The following RANBP17 variants were observed in gnomAD, a reference collection of about 807,000 sequenced individuals.
RANBP17 encodes the protein ran-binding protein 17.
RANBP17 carries 158 observed loss-of-function variants against 141.2 expected under a neutral mutation model. The ratio of observed to expected loss-of-function variants is 1.12; its 90% CI spans 0.98 to 1.28. RANBP17 has a LOEUF of 1.28. Among genes scored for constraint, RANBP17 ranks in the 50% most tolerant of loss-of-function variants. The pLI, the probability that RANBP17 is intolerant of heterozygous loss-of-function variation, is 0.00. For synonymous variants in RANBP17, 430 were observed against 450.0 expected (o/e 0.96, Z 0.56); for missense variants, 1,438 against 1,290.7 (o/e 1.11, Z -1.75).
chr5:171,298,909 A>G lies in RANBP17; in HGVS notation c.*51A>G, dbSNP rs1221452771. 7.0e-7 allele frequency: 1 copy of G among 1,425,748 alleles called. No homozygotes were observed. Among genetic ancestry groups the G allele is most frequent in the Non-Finnish European group, 9.9e-7 (1 of 1,010,026 alleles). 88.3% of individuals were successfully genotyped at this position (1,425,748 alleles called of 1,614,324 possible). ...GCAGCCTTTATCAAGAGACTCCTGA[A>G]GGTCTGGGTCTCAGGACAGTGATGT... On this transcript the variant is annotated 3_prime_UTR_variant, in exon 28 of 28. Transcript: ENST00000523189.
At chr5:171,013,196 A>T (rs1247117112) in intron 14 of RANBP17, among the ~76,000 whole-genome samples, 1 of 152,138 alleles carries the variant, frequency 6.6e-6, no homozygotes, top group Non-Finnish European at 1.5e-5. Flanking sequence ...GAACTCAAGG[A>T]TAATCTCAAC....
At chr5:171,254,155 G>A (rs1369471352) in intron 24 of RANBP17, among the ~76,000 whole-genome samples, 3 of 151,640 alleles carry the variant, frequency 2.0e-5, no homozygotes, top group African/African-American at 7.3e-5. Context: ...GCTGAGGCAG[G>A]AGAATCACTG....
intron 3 of RANBP17, among the ~76,000 whole-genome samples, chr5:170,884,217 T>A (rs558992156): frequency 6.6e-6 from 1 of 152,300 alleles, no homozygotes; most frequent in African/African-American, 2.4e-5. Context: ...CCTTTTTATG[T>A]GCTTATTTGA....
intron 14 of RANBP17, among the ~76,000 whole-genome samples, chr5:170,989,418 A>T (rs990025367): frequency 6.6e-6 from 1 of 151,932 alleles, no homozygotes; most frequent in South Asian, 2.1e-4. Flanking sequence ...AAAGAATTTT[A>T]GGTTTCAAGA....
chr5:171,067,486 C>T lies in RANBP17; in HGVS notation c.1710+99109C>T, dbSNP rs573935397. ...TATCAGAGATCTCTATTTCTCTGTA[C>T]GCCTTCGAGTTACAGTATAATGTTT... On this transcript the variant is annotated intron_variant, in intron 14 of 27. Transcript: ENST00000523189. Among the ~76,000 whole-genome samples, 40 of 152,216 alleles carry T rather than the reference C, an allele frequency of 2.6e-4. 1 individual carries two copies. The South Asian group carries it at 5.0e-3, about 19-fold the overall frequency.
At chr5:171,213,053 C>G (rs1763003976) in intron 20 of RANBP17, among the ~76,000 whole-genome samples, 1 of 152,116 alleles carries the variant, frequency 6.6e-6, no homozygotes, top group Non-Finnish European at 1.5e-5. Context: ...AAGCCAACAT[C>G]CCAGATATTC....
intron 14 of RANBP17, among the ~76,000 whole-genome samples, chr5:171,095,484 A>T (rs1216896926): frequency 6.6e-6 from 1 of 152,236 alleles, no homozygotes; most frequent in Non-Finnish European, 1.5e-5. Flanking sequence ...CGGTAAAGAA[A>T]TCAAATAAAA....
At chr5:170,937,309 T>G (rs991975683) in intron 12 of RANBP17, among the ~76,000 whole-genome samples, 2 of 152,222 alleles carry the variant, frequency 1.3e-5, no homozygotes, top group African/African-American at 4.8e-5. Context: ...TGTCTTGTCT[T>G]TCTGTTTAGG....
intron 14 of RANBP17, among the ~76,000 whole-genome samples, chr5:171,102,434 C>T (rs1787236821): frequency 6.6e-6 from 1 of 151,894 alleles, no homozygotes; most frequent in South Asian, 2.1e-4. Context: ...CTGTTTTTTT[C>T]AGCTCCATCA....
chr5:171,130,619 A>G (rs1465717980), intron 14 of RANBP17, among the ~76,000 whole-genome samples: 1 of 151,924 alleles, frequency 6.6e-6, no homozygotes, highest in East Asian at 1.9e-4. Flanking sequence ...TATTTTTAGT[A>G]GAGACGGGGT....
intron 12 of RANBP17, 78 bp downstream of exon 12, chr5:170,924,628 G>T: frequency 1.1e-6 from 1 of 952,100 alleles, no homozygotes; most frequent in Non-Finnish European, 1.5e-6. Flanking sequence ...TAGTTTTACT[G>T]CAAGTTATTT....
At chr5:171,121,143 A>G (rs894267836) in intron 14 of RANBP17, among the ~76,000 whole-genome samples, 1 of 152,220 alleles carries the variant, frequency 6.6e-6, no homozygotes, top group Admixed American at 6.5e-5. Flanking sequence ...GGGTCTGCCA[A>G]CTTGGAGCTG....
In RANBP17 at chr5:171,277,938, C is replaced by CTTTTTTTTTTTTTT. The variant is rs140208253; in HGVS notation, c.2943+12109_2943+12122dup. 1.7e-4 allele frequency among the ~76,000 whole-genome samples: 12 copies of CTTTTTTTTTTTTTT among 72,266 alleles called. 1 individual carries two copies. Among genetic ancestry groups the CTTTTTTTTTTTTTT allele is most frequent in the African/African-American group, 2.3e-4 (4 of 17,566 alleles). 47.4% of individuals were successfully genotyped at this position (72,266 alleles called of 152,430 possible). Reference sequence around the variant, plus strand: ...CAGTCCTTGAGCCTAGGACTTCTTTCTTTTTTTTTTTTTTTTTTTTTTTTT... The same window carrying CTTTTTTTTTTTTTT: ...CAGTCCTTGAGCCTAGGACTTCTTTCTTTTTTTTTTTTTTTTTTTTTTTTTTTTTTTTTTTTTTT... On this transcript the variant is annotated intron_variant, in intron 25 of 27. Transcript: ENST00000523189.
intron 14 of RANBP17, among the ~76,000 whole-genome samples, chr5:171,101,484 A>G (rs969705892): frequency 4.6e-5 from 7 of 152,254 alleles, no homozygotes; most frequent in East Asian, 3.9e-4. Flanking sequence ...TTTTGAGCCT[A>G]TGTGTGTCTT....
At chr5:171,089,282 G>A (rs1378391891) in intron 14 of RANBP17, among the ~76,000 whole-genome samples, 1 of 101,374 alleles carries the variant, frequency 9.9e-6, no homozygotes, top group African/African-American at 3.0e-5. Flanking sequence ...GGGGTCACGG[G>A]TCAGGGACCC....
At chr5:171,000,943 T>C (rs1779161522) in intron 14 of RANBP17, among the ~76,000 whole-genome samples, 1 of 152,192 alleles carries the variant, frequency 6.6e-6, no homozygotes, top group African/African-American at 2.4e-5. Context: ...TGTTTTCACT[T>C]CTTTTGTGGA....
intron 24 of RANBP17, among the ~76,000 whole-genome samples, chr5:171,260,086 G>A (rs1458684978): frequency 6.6e-6 from 1 of 151,796 alleles, no homozygotes; most frequent in Admixed American, 6.6e-5. Context: ...GATCACTTGA[G>A]GTCAGGAGTT....
chr5:170,914,211 C>T lies in RANBP17; in HGVS notation c.805C>T (p.His269Tyr). The T allele has an allele frequency of 6.2e-7, 1 of 1,609,070 alleles. No individual in the cohort carries two copies. The highest frequency in any genetic ancestry group is 8.5e-7 in the Non-Finnish European group (1 of 1,175,966). ...ETLDLFFNLY[H>Y]SLPPLLSQLA... is the part of the protein sequence containing the mutation. ...ATTGGATCTTTTCTTCAATTTGTAT[C>T]ATTCACTTCCACCACTACTATCTCA... The change falls in exon 8 of 28, where the codon CAT becomes TAT. Residue 269 changes from histidine (H) to tyrosine (Y), a missense_variant. By Grantham distance (83) the His-to-Tyr change is moderately conservative. Transcript: ENST00000523189.
In RANBP17 at chr5:170,889,770, T is replaced by G. The variant is rs144849140; in HGVS notation, c.257-2617T>G. On this transcript the variant is annotated intron_variant, in intron 3 of 27. Coordinates refer to ENST00000523189, the MANE Select transcript of RANBP17 (RefSeq NM_022897.5). ...GTTTTTCCCAGCTGTTTGTTGTGGT[T>G]GTTGTTCTCCCATGTATCTTCCCAA... is the stretch of plus-strand genomic sequence containing the variant. 3.5e-3 allele frequency among the ~76,000 whole-genome samples: 536 copies of G among 152,312 alleles called. 3 individuals are homozygous for G. The highest frequency in any genetic ancestry group is 0.012 in the South Asian group (60 of 4,830).
Sources: gnomAD v4.1 joint callset for allele counts (sites outside exome capture counted in the v4.1 genomes callset) on GRCh38, gnomAD v4.1.1 for gene constraint, MANE v1.5 for transcripts, NCBI Gene and HGNC (gene_info 2026-07-23, HGNC 2026-07-21) for gene names.